CFAP58: variants seen among roughly 807,000 people sequenced by gnomAD.
CFAP58 encodes cilia and flagella associated protein 58, also known as cilia- and flagella-associated protein 58.
A neutral mutation model predicts 119.5 loss-of-function variants in CFAP58; 88 were observed. The observed-to-expected ratio is 0.74, with a 90% CI of 0.62 to 0.88. The LOEUF (loss-of-function observed/expected upper bound fraction) is 0.88. Among genes scored for constraint, CFAP58 ranks in the 40% least tolerant of loss-of-function variants. CFAP58 has a pLI of 0.00. For synonymous variants in CFAP58, 365 were observed against 366.3 expected (o/e 1.00, Z 0.04); for missense variants, 990 against 1,021.2 (o/e 0.97, Z 0.42).
At chr10:104,370,517 G>T (rs113848672) in intron 6 of CFAP58, among the ~76,000 whole-genome samples, 3,796 of 152,232 alleles carry the variant, frequency 0.025, 166 homozygotes, top group African/African-American at 0.087. Flanking sequence ...GTTTGTATCA[G>T]GAGAATAGCA....
At chr10:104,441,255 G>A (rs1222040454) in intron 15 of CFAP58, among the ~76,000 whole-genome samples, 1 of 152,036 alleles carries the variant, frequency 6.6e-6, no homozygotes, top group East Asian at 1.9e-4. Context: ...TGCCTGCATC[G>A]GCCTCCCAAA....
At chr10:104,444,357 A>G (rs2013081757) in intron 15 of CFAP58, among the ~76,000 whole-genome samples, 1 of 152,260 alleles carries the variant, frequency 6.6e-6, no homozygotes, top group Admixed American at 6.5e-5. Flanking sequence ...ATGTATTATA[A>G]GGCAGCTGGT....
At chr10:104,423,088 A>G (rs1399535603) in intron 15 of CFAP58, among the ~76,000 whole-genome samples, 2 of 152,110 alleles carry the variant, frequency 1.3e-5, no homozygotes, top group East Asian at 1.9e-4. Context: ...TATTGCTGAC[A>G]TGTTTTTCTT....
chr10:104,420,093 G>A (rs1352146924), intron 15 of CFAP58, among the ~76,000 whole-genome samples: 1 of 150,394 alleles, frequency 6.6e-6, no homozygotes, highest in African/African-American at 2.5e-5. Context: ...TCTCCCTTAA[G>A]GGAGCAGACT....
At chr10:104,418,344 C>T (rs541214835) in intron 15 of CFAP58, among the ~76,000 whole-genome samples, 59 of 152,226 alleles carry the variant, frequency 3.9e-4, no homozygotes, top group African/African-American at 1.2e-3. Flanking sequence ...GTCAGGAGAT[C>T]GAGACCATCC....
intron 15 of CFAP58, among the ~76,000 whole-genome samples, chr10:104,433,035 A>G (rs1298080587): frequency 1.3e-5 from 2 of 152,210 alleles, no homozygotes; most frequent in Non-Finnish European, 2.9e-5. Context: ...GCCTAAACCA[A>G]TGAAGAATAT....
intron 15 of CFAP58, among the ~76,000 whole-genome samples, chr10:104,411,024 C>T (rs2012452136): frequency 6.6e-6 from 1 of 152,152 alleles, no homozygotes; most frequent in Non-Finnish European, 1.5e-5. Context: ...ACTGCAACCT[C>T]CGCTTCCCAG....
chr10:104,354,829 C>T (rs535451989), intron 1 of CFAP58, among the ~76,000 whole-genome samples: 7 of 152,330 alleles, frequency 4.6e-5, no homozygotes, highest in African/African-American at 9.6e-5. Flanking sequence ...GGGCCCTGTG[C>T]AACTGACCAG....
At position 104,454,569 on chromosome 10, in the gene CFAP58, A is replaced by C; in HGVS notation, c.*39A>C. 6.9e-7 allele frequency: 1 copy of C among 1,451,576 alleles called. No homozygotes were observed. 89.9% of individuals were successfully genotyped at this position (1,451,576 alleles called of 1,614,324 possible). ...GCTGTTTCCAGTTGAACAACTCATGAAATCTGCTCTGGGACATTTTGGGGG... is the reference window on the plus strand; with the variant it reads ...GCTGTTTCCAGTTGAACAACTCATGCAATCTGCTCTGGGACATTTTGGGGG... On this transcript the variant is annotated 3_prime_UTR_variant, in exon 18 of 18. Coordinates refer to ENST00000369704, the MANE Select transcript of CFAP58 (RefSeq NM_001008723.2).
intron 11 of CFAP58, among the ~76,000 whole-genome samples, 166 bp from the exon 12 acceptor site, chr10:104,399,194 G>GTGTT (rs58279838): frequency 0.015 from 2,318 of 152,142 alleles, 56 homozygotes; most frequent in African/African-American, 0.053. Flanking sequence ...GTGTGTGTGT[G>GTGTT]TGTGTGTTGT....
At chr10:104,448,816 A>G (rs564033373) in intron 16 of CFAP58, among the ~76,000 whole-genome samples, 3 of 152,332 alleles carry the variant, frequency 2.0e-5, no homozygotes, top group South Asian at 2.1e-4. Context: ...TCTTTTGATT[A>G]TTTTGTTCCT....
intron 15 of CFAP58, among the ~76,000 whole-genome samples, chr10:104,414,531 G>T (rs1401871124): frequency 7.8e-6 from 1 of 127,588 alleles, no homozygotes; most frequent in African/African-American, 2.9e-5. Flanking sequence ...GCAAGGCTGT[G>T]TTCTTCTAAG....
At chr10:104,440,069 G>A (rs1476444182) in intron 15 of CFAP58, among the ~76,000 whole-genome samples, 3 of 151,872 alleles carry the variant, frequency 2.0e-5, no homozygotes, top group Admixed American at 6.6e-5. Context: ...TGATCCACCC[G>A]CCTGGGCCTC....
At chr10:104,372,211 G>C (rs2014833590) in intron 7 of CFAP58, among the ~76,000 whole-genome samples, 1 of 152,122 alleles carries the variant, frequency 6.6e-6, no homozygotes, top group Non-Finnish European at 1.5e-5. Flanking sequence ...AAATTAGCTG[G>C]GCATGGTAGC....
intron 15 of CFAP58, among the ~76,000 whole-genome samples, chr10:104,414,727 T>C (rs1003629452): frequency 6.6e-6 from 1 of 152,202 alleles, no homozygotes; most frequent in Non-Finnish European, 1.5e-5. Context: ...TGGAGTGCAG[T>C]GGCGCAATCT....
At chr10:104,393,750 C>T (rs1354093958) in intron 11 of CFAP58, among the ~76,000 whole-genome samples, 1 of 152,192 alleles carries the variant, frequency 6.6e-6, no homozygotes, top group Non-Finnish European at 1.5e-5. Flanking sequence ...GGCTATCATA[C>T]ATCAGTGGGA....
chr10:104,369,468 C>T (rs1048507004), intron 6 of CFAP58, among the ~76,000 whole-genome samples: 4 of 152,294 alleles, frequency 2.6e-5, no homozygotes, highest in Non-Finnish European at 4.4e-5. Flanking sequence ...TTAACATCGA[C>T]TAATTTGAAC....
At chr10:104,431,330 G>A (rs1348711054) in intron 15 of CFAP58, among the ~76,000 whole-genome samples, 1 of 152,136 alleles carries the variant, frequency 6.6e-6, no homozygotes, top group Non-Finnish European at 1.5e-5. Flanking sequence ...CTACAGCACA[G>A]TATAATAAAG....
At chr10:104,397,755 A>G in intron 11 of CFAP58, among the ~76,000 whole-genome samples, 1 of 152,344 alleles carries the variant, frequency 6.6e-6, no homozygotes, top group South Asian at 2.1e-4. Context: ...CTCTTCCTCC[A>G]CATTTGCTTC....
Sources: gnomAD v4.1 joint callset for allele counts (sites outside exome capture counted in the v4.1 genomes callset) on GRCh38, gnomAD v4.1.1 for gene constraint, MANE v1.5 for transcripts, NCBI Gene and HGNC (gene_info 2026-07-23, HGNC 2026-07-21) for gene names.